SMARCC1: variants seen among roughly 807,000 people sequenced by gnomAD.
SMARCC1 encodes the protein SWI/SNF related BAF chromatin remodeling complex subunit C1, also known as SWI/SNF complex subunit SMARCC1.
Under a neutral mutation model 147.4 loss-of-function variants are expected in SMARCC1, and 43 were observed. The observed-to-expected ratio is 0.29, with a 90% CI of 0.23 to 0.38. SMARCC1 has a LOEUF of 0.38. Ranked by LOEUF, SMARCC1 falls within the 10% of genes least tolerant of loss-of-function variation. SMARCC1 has a pLI of 1.00. For missense variants in SMARCC1, 1,119 were observed against 1,381.1 expected (o/e 0.81, Z 3.01); for synonymous variants, 495 against 484.4 (o/e 1.02, Z -0.29).
intron 26 of SMARCC1, among the ~76,000 whole-genome samples, chr3:47,596,324 C>A (rs2032281372): frequency 6.6e-6 from 1 of 151,974 alleles, no homozygotes; most frequent in African/African-American, 2.4e-5. Context: ...AATCCCAGCA[C>A]TTTGGGAGGG....
intron 19 of SMARCC1, among the ~76,000 whole-genome samples, chr3:47,664,560 G>C (rs1017675636): frequency 6.6e-6 from 1 of 152,108 alleles, no homozygotes; most frequent in Non-Finnish European, 1.5e-5. Flanking sequence ...AGGGAAAAAC[G>C]GATAGAACAG....
rs564838787 is a variant in SMARCC1 at position 47,649,560 on chromosome 3, G to A, written c.2321-10780C>T. ...TATTCCACAGGCTGTTAAGGAGCTC[G>A]GTAGACAATCTACTCATTGATATAT... On this transcript the variant is annotated intron_variant, in intron 21 of 27. Coordinates refer to ENST00000254480, the MANE Select transcript of SMARCC1 (RefSeq NM_003074.4). Among the ~76,000 whole-genome samples, 20 of 152,210 alleles carry A rather than the reference G, an allele frequency of 1.3e-4. No homozygotes were observed. In the South Asian group the frequency reaches 2.3e-3, roughly 17 times the overall value.
chr3:47,706,743 G>A (rs1435521734), intron 9 of SMARCC1, among the ~76,000 whole-genome samples: 1 of 152,132 alleles, frequency 6.6e-6, no homozygotes, highest in African/African-American at 2.4e-5. Context: ...GGAAATATCG[G>A]CTATCAGTTA....
chr3:47,715,825 A>C (rs1389583268), intron 7 of SMARCC1, among the ~76,000 whole-genome samples: 1 of 151,966 alleles, frequency 6.6e-6, no homozygotes, highest in African/African-American at 2.4e-5. Context: ...AACATTCCCT[A>C]CTAAGCCTGC....
At chr3:47,601,821 T>A (rs1370051596) in intron 26 of SMARCC1, 1 of 151,692 alleles carries the variant, frequency 6.6e-6, no homozygotes, top group Non-Finnish European at 1.5e-5. Context: ...TGCCTCAGCC[T>A]CCTGAGTAGC....
chr3:47,729,941 T>C (rs2106821841), intron 5 of SMARCC1, among the ~76,000 whole-genome samples: 1 of 152,234 alleles, frequency 6.6e-6, no homozygotes, highest in South Asian at 2.1e-4. Context: ...TCCTAGCAAT[T>C]TGGGAGCCAG....
chr3:47,607,417 T>C (rs956851002), intron 26 of SMARCC1, among the ~76,000 whole-genome samples: 9 of 152,340 alleles, frequency 5.9e-5, no homozygotes, highest in South Asian at 2.1e-4. Flanking sequence ...TACCGTGACT[T>C]GGACAGAGAA....
chr3:47,662,416 T>C lies in SMARCC1; in HGVS notation c.2076A>G (p.Gly692=), dbSNP rs754527042. ...AYQPVPFSQS[G]NPVMSTVAFL... is the part of the protein sequence containing the mutation. Reference sequence around the variant, plus strand: ...AAGCAACAGTACTCATAACTGGATTTCCTGACTGACTGAAGGGGACAGGCT... The same window carrying C: ...AAGCAACAGTACTCATAACTGGATTCCCTGACTGACTGAAGGGGACAGGCT... Residue 692 remains glycine, a synonymous_variant, in exon 20 of 28, where the codon GGA becomes GGG. Transcript: ENST00000254480. The C allele has an allele frequency of 1.2e-6, 2 of 1,614,160 alleles. No homozygotes were observed. The highest frequency in any genetic ancestry group is 3.3e-5 in the Admixed American group (2 of 60,024).
intron 22 of SMARCC1, 86 bp downstream of exon 22, chr3:47,638,638 CT>C: frequency 1.1e-6 from 1 of 905,326 alleles, no homozygotes; most frequent in Non-Finnish European, 1.9e-6. Flanking sequence ...TTAGAGTCCC[CT>C]AAGAGGGACT....
chr3:47,588,377 GA>G, intron 27 of SMARCC1, 71 bp from the exon 28 acceptor site: 4 of 1,423,942 alleles, frequency 2.8e-6, no homozygotes, highest in South Asian at 1.2e-5. Flanking sequence ...CCTATTCAGT[GA>G]AAAAAAGACA....
chr3:47,773,202 A>C (rs550271702), intron 1 of SMARCC1, among the ~76,000 whole-genome samples: 1 of 151,880 alleles, frequency 6.6e-6, no homozygotes, highest in African/African-American at 2.4e-5. Context: ...ATCTCGGCTC[A>C]CTGCAACCTC....
At chr3:47,738,948 A>T (rs970841982) in intron 3 of SMARCC1, among the ~76,000 whole-genome samples, 2 of 152,244 alleles carry the variant, frequency 1.3e-5, no homozygotes, top group African/African-American at 2.4e-5. Flanking sequence ...GGTAACACTG[A>T]TCTATTTACC....
At position 47,613,714 on chromosome 3, in the gene SMARCC1, A is replaced by G. The variant is rs914485081; in HGVS notation, c.2782-3387T>C. On this transcript the variant is annotated intron_variant, in intron 25 of 27. Transcript: ENST00000254480. Reference sequence around the variant, plus strand: ...CACACACATATGTTTAATAACAAAAAAATAGGCTCCAGCGAACCCAGTTTT... The same window carrying G: ...CACACACATATGTTTAATAACAAAAGAATAGGCTCCAGCGAACCCAGTTTT... Among the ~76,000 whole-genome samples, 4 of 152,182 alleles carry G rather than the reference A, an allele frequency of 2.6e-5. No individual in the cohort carries two copies. The East Asian group carries it at 7.7e-4, about 29-fold the overall frequency.
At position 47,713,318 on chromosome 3, in the gene SMARCC1, AAAATAAATAAATAAATAAAT is replaced by A. The variant is rs144722768; in HGVS notation, c.792+1077_792+1096del. On this transcript the variant is annotated intron_variant, in intron 8 of 27. Coordinates refer to ENST00000254480, the MANE Select transcript of SMARCC1 (RefSeq NM_003074.4). ...GGGCGACAGAGCCAGACTCCGTCTC[AAAATAAATAAATAAATAAAT>A]AAATAAATAAATAAATAAATAAAAG... Among the ~76,000 whole-genome samples, 630 of 146,718 alleles carry A rather than the reference AAAATAAATAAATAAATAAAT, an allele frequency of 4.3e-3. 3 individuals carry two copies. The highest frequency in any genetic ancestry group is 6.9e-3 in the Non-Finnish European group (465 of 66,938).
Position 47,662,545 on chromosome 3 carries a change from A to C in SMARCC1, c.1947T>G (p.Val649=). ...KDDWNKVSEH[V]GSRTQDECIL... Reference sequence around the variant, plus strand: ...TGCATTCATCCTGAGTACGACTTCCAACATGTTCCGACACTTTGTTCCAAT... The same window carrying C: ...TGCATTCATCCTGAGTACGACTTCCCACATGTTCCGACACTTTGTTCCAAT... The change falls in exon 20 of 28, where the codon GTT becomes GTG. Residue 649 remains valine (V), a synonymous_variant. Coordinates refer to ENST00000254480, the MANE Select transcript of SMARCC1 (RefSeq NM_003074.4). The C allele has an allele frequency of 6.2e-7, 1 of 1,614,012 alleles. No individual in the cohort carries two copies. The highest frequency in any genetic ancestry group is 2.2e-5 in the East Asian group (1 of 44,880).
chr3:47,601,238 A>G (rs894521910), intron 26 of SMARCC1, among the ~76,000 whole-genome samples: 4 of 151,768 alleles, frequency 2.6e-5, no homozygotes, highest in African/African-American at 9.7e-5. Context: ...GGTTTATTGT[A>G]TCTTTTACTA....
At chr3:47,672,175 T>C (rs538872987) in intron 18 of SMARCC1, among the ~76,000 whole-genome samples, 3 of 152,114 alleles carry the variant, frequency 2.0e-5, no homozygotes, top group Admixed American at 6.5e-5. Context: ...GATGCCTGTA[T>C]CTATAACGCA....
intron 25 of SMARCC1, among the ~76,000 whole-genome samples, chr3:47,614,042 T>A (rs911291237): frequency 6.6e-6 from 1 of 152,178 alleles, no homozygotes; most frequent in Non-Finnish European, 1.5e-5. Flanking sequence ...TGCCAAGGAC[T>A]GAAATATCAG....
intron 9 of SMARCC1, among the ~76,000 whole-genome samples, chr3:47,708,672 C>T (rs1291265235): frequency 6.6e-6 from 1 of 152,076 alleles, no homozygotes; most frequent in East Asian, 1.9e-4. Context: ...GAAGAGTCCT[C>T]AGCACCATAA....
Sources: gnomAD v4.1 joint callset for allele counts (sites outside exome capture counted in the v4.1 genomes callset) on GRCh38, gnomAD v4.1.1 for gene constraint, MANE v1.5 for transcripts, NCBI Gene and HGNC (gene_info 2026-07-23, HGNC 2026-07-21) for gene names.